Variants in STK3 observed in about 807,000 individuals in gnomAD.
STK3 encodes serine/threonine-protein kinase 3.
STK3 carries 41 observed loss-of-function variants against 58.0 expected under a neutral mutation model. The ratio of observed to expected loss-of-function variants is 0.71; its 90% confidence interval spans 0.55 to 0.92. The LOEUF (loss-of-function observed/expected upper bound fraction) is 0.92, where lower values mean the gene tolerates loss of function less well. Ranked by LOEUF, STK3 falls within the 40% of genes least tolerant of loss-of-function variation. The pLI is 0.00. For synonymous variants in STK3, 170 were observed against 191.0 expected (o/e 0.89, Z 0.91); for missense variants, 479 against 602.7 (o/e 0.79, Z 2.15).
intron 3 of STK3, among the ~76,000 whole-genome samples, chr8:98,756,092 G>A (rs538767872): frequency 2.0e-5 from 3 of 151,782 alleles, no homozygotes; most frequent in Admixed American, 6.6e-5. Flanking sequence ...GCAGAGAGAC[G>A]AGATCGTGCC....
intron 3 of STK3, among the ~76,000 whole-genome samples, chr8:98,839,739 A>G (rs1343585965): frequency 1.3e-5 from 2 of 152,198 alleles, no homozygotes; most frequent in Non-Finnish European, 2.9e-5. Context: ...CTCAGTCTTT[A>G]GGAGAAAGAG....
At chr8:98,839,395 A>G (rs930894551) in intron 3 of STK3, among the ~76,000 whole-genome samples, 1 of 152,168 alleles carries the variant, frequency 6.6e-6, no homozygotes. Flanking sequence ...GAAATGAAGG[A>G]TCCTTCCTTC....
At chr8:98,927,585 G>A (rs1490797896) in intron 1 of STK3, among the ~76,000 whole-genome samples, 4 of 152,218 alleles carry the variant, frequency 2.6e-5, no homozygotes, top group Non-Finnish European at 5.9e-5. Flanking sequence ...ATAAGGTAAT[G>A]CTATTATTAT....
At chr8:98,648,304 T>A (rs1820566172) in intron 6 of STK3, among the ~76,000 whole-genome samples, 1 of 152,214 alleles carries the variant, frequency 6.6e-6, no homozygotes, top group African/African-American at 2.4e-5. Flanking sequence ...AACTCCATTC[T>A]TTTTAATGGC....
chr8:98,603,868 C>T (rs757746089), intron 6 of STK3, among the ~76,000 whole-genome samples: 10 of 152,116 alleles, frequency 6.6e-5, no homozygotes, highest in African/African-American at 1.7e-4. Flanking sequence ...AAGATGTCTA[C>T]GTTCTAATCC....
intron 8 of STK3, among the ~76,000 whole-genome samples, chr8:98,550,539 T>A (rs545555501): frequency 6.6e-6 from 1 of 152,274 alleles, no homozygotes; most frequent in Admixed American, 6.5e-5. Context: ...TCTTCTTACA[T>A]TTATTTTCTC....
chr8:98,682,241 T>C (rs1466291513), intron 6 of STK3, among the ~76,000 whole-genome samples: 4 of 152,166 alleles, frequency 2.6e-5, no homozygotes, highest in Non-Finnish European at 5.9e-5. Context: ...AACTCACTAA[T>C]AAAAATGAAG....
intron 6 of STK3, among the ~76,000 whole-genome samples, chr8:98,650,855 A>G (rs963151256): frequency 2.0e-5 from 3 of 152,202 alleles, no homozygotes; most frequent in Non-Finnish European, 4.4e-5. Flanking sequence ...ACTGGGTAGC[A>G]CCCACCACAG....
chr8:98,865,126 C>G (rs1355256168), intron 3 of STK3, among the ~76,000 whole-genome samples: 1 of 152,136 alleles, frequency 6.6e-6, no homozygotes, highest in Admixed American at 6.5e-5. Context: ...CGTGGTGGCT[C>G]ACACCTGTAA....
chr8:98,403,043 A>C (rs181442503), intron 3 of STK3, among the ~76,000 whole-genome samples: 3 of 152,354 alleles, frequency 2.0e-5, no homozygotes, highest in African/African-American at 7.2e-5. Flanking sequence ...CTGAGTTATC[A>C]GTCTCCAGCT....
At chr8:98,401,388 T>C (rs1817942673), downstream of STK3, 1 of 152,226 alleles carries the variant, frequency 6.6e-6, no homozygotes, top group South Asian at 2.1e-4. Flanking sequence ...ATTATTGTTG[T>C]TTGATGCCAA....
At chr8:98,905,361 A>T (rs1838853129) in intron 1 of STK3, 11 of 1,025,292 alleles carry the variant, frequency 1.1e-5, no homozygotes, top group Non-Finnish European at 1.6e-5. Context: ...ACATTCAATG[A>T]CTGGACCATA....
intron 1 of STK3, among the ~76,000 whole-genome samples, chr8:98,912,334 C>T (rs912466297): frequency 1.1e-4 from 17 of 151,976 alleles, no homozygotes; most frequent in South Asian, 8.3e-4. Context: ...GCAAAGATCG[C>T]GCCACTGCAC....
intron 10 of STK3, among the ~76,000 whole-genome samples, chr8:98,476,026 A>G (rs1167768229): frequency 1.3e-5 from 2 of 152,212 alleles, no homozygotes; most frequent in African/African-American, 4.8e-5. Context: ...CCTTAGATAC[A>G]CTTCAAGGCA....
chr8:98,495,098 C>T (rs1403033446), intron 10 of STK3, among the ~76,000 whole-genome samples: 4 of 152,114 alleles, frequency 2.6e-5, no homozygotes, highest in African/African-American at 7.2e-5. Flanking sequence ...TGACTAAGCA[C>T]GGAGGAAACA....
intron 1 of STK3, among the ~76,000 whole-genome samples, chr8:98,822,942 C>T (rs1835004467): frequency 6.6e-6 from 1 of 152,194 alleles, no homozygotes; most frequent in African/African-American, 2.4e-5. Flanking sequence ...GGACGAGAAT[C>T]GCTTGAATCA....
At chr8:98,443,004 A>G (rs1818754425) in intron 1 of STK3, among the ~76,000 whole-genome samples, 1 of 148,154 alleles carries the variant, frequency 6.7e-6, no homozygotes. Flanking sequence ...AAAAAAAAAA[A>G]CAACAAAAAA....
intron 5 of STK3, 115 bp downstream of exon 5, chr8:98,707,032 A>T: frequency 8.5e-7 from 1 of 1,181,310 alleles, no homozygotes; most frequent in African/African-American, 1.6e-5. Context: ...TCTCCACAAA[A>T]ATTAAAAAAC....
rs72666626 is a variant in STK3, at chr8:98,517,210, G to A, written c.1317+9532C>T. The stretch of plus-strand genomic sequence containing the variant: ...TTTATCTCCTTAAGGTCTGTCTATC[G>A]TTCTGGAAAGGTGTTTCAACAACTG... On this transcript the variant is annotated intron_variant, in intron 10 of 10. Coordinates refer to ENST00000419617, the MANE Select transcript of STK3 (RefSeq NM_006281.4). Among the ~76,000 whole-genome samples, 555 of 152,024 alleles carry A rather than the reference G, an allele frequency of 3.7e-3. 4 individuals are homozygous for A. Among genetic ancestry groups the A allele is most frequent in the Non-Finnish European group, 6.2e-3 (419 of 67,932 alleles).
Sources: allele counts gnomAD v4.1 joint callset (sites outside exome capture counted in the v4.1 genomes callset), GRCh38; gene constraint gnomAD v4.1.1; transcripts MANE v1.5; gene names NCBI Gene and HGNC (gene_info 2026-07-23, HGNC 2026-07-21).